Variants in GPATCH8 observed in about 807,000 individuals in gnomAD.
The protein encoded by GPATCH8 is G patch domain-containing protein 8.
A neutral mutation model predicts 118.3 loss-of-function variants in GPATCH8; 18 were observed. That is an observed-to-expected ratio of 0.15 (90% CI 0.11 to 0.23). GPATCH8 has a LOEUF of 0.23. Among genes scored for constraint, GPATCH8 ranks in the 10% least tolerant of loss-of-function variants. The pLI is 1.00. For synonymous variants in GPATCH8, 659 were observed against 684.7 expected, an observed-to-expected ratio of 0.96 and a Z score of 0.59; for missense variants, 1,631 against 1,873.8, an observed-to-expected ratio of 0.87 and a Z score of 2.39.
At chr17:44,493,661 G>A (rs189038483) in intron 1 of GPATCH8, among the ~76,000 whole-genome samples, 76 of 152,312 alleles carry the variant, frequency 5.0e-4, no homozygotes, top group African/African-American at 1.8e-3. Flanking sequence ...GCAGAGGTGG[G>A]AGGATGGTGT....
intron 2 of GPATCH8, chr17:44,465,935 C>T (rs1333423353): frequency 6.6e-6 from 1 of 152,148 alleles, no homozygotes; most frequent in African/African-American, 2.4e-5. Flanking sequence ...TGTTTAAGGA[C>T]CATTTTCTTC....
In GPATCH8 at chr17:44,400,716, G is replaced by A. The variant is rs750770905; in HGVS notation, c.1361C>T (p.Ala454Val). The part of the protein sequence containing the change: ...SCIKAAASQG[A>V]EKTVSEVSEQ... ...AGAGACTTCACTAACTGTCTTTTCT[G>A]CTCCTTGGCTTGCTGCCGCCTTGAT... Residue 454 changes from alanine to valine, a missense_variant, in exon 8 of 8, where the codon GCA becomes GTA. By Grantham distance (64) the Ala-to-Val change is moderately conservative. This residue lies in a region of GPATCH8 where 405 missense variants were observed against 462.7 expected (regional missense o/e 0.88). Coordinates refer to ENST00000591680, the MANE Select transcript of GPATCH8 (RefSeq NM_001002909.4). 3 of 1,612,132 alleles carry A rather than the reference G, an allele frequency of 1.9e-6. No individual in the cohort carries two copies. Among genetic ancestry groups the A allele is most frequent in the Non-Finnish European group, 2.5e-6 (3 of 1,178,894 alleles).
At position 44,397,801 on chromosome 17, in the gene GPATCH8, T is replaced by C. The variant is rs1292918118; in HGVS notation, c.4276A>G (p.Ile1426Val). ...AGAAAGGTGGCAGGGTGGCCAGGGA[T>C]GATTGAGTGAGTGAGGTGGGACAAA... The part of the protein sequence containing the change: ...ISLSHLTHSI[I>V]PGHPATFLAS... The change falls in exon 8 of 8, where the codon ATC (isoleucine) becomes GTC (valine). Residue 1426 changes from isoleucine (I) to valine (V), a missense_variant. By Grantham distance (29) the Ile-to-Val change is conservative. This residue lies in a region of GPATCH8 where 65 missense variants were observed against 105.3 expected (regional missense o/e 0.62). Coordinates refer to ENST00000591680, the MANE Select transcript of GPATCH8 (RefSeq NM_001002909.4). 6.3e-7 allele frequency: 1 copy of C among 1,583,744 alleles called. No homozygotes were observed. Among genetic ancestry groups the C allele is most frequent in the Admixed American group, 1.7e-5 (1 of 58,702 alleles).
rs1194565044 is a variant in GPATCH8 at position 44,406,055 on chromosome 17, G to A, written c.493-4C>T. 1 of 1,599,328 alleles carries A rather than the reference G, an allele frequency of 6.3e-7. No individual in the cohort carries two copies. The highest frequency in any genetic ancestry group is 8.6e-7 in the Non-Finnish European group (1 of 1,166,976). On this transcript the variant is annotated splice_polypyrimidine_tract_variant and splice_region_variant and intron_variant, in intron 6 of 7. Transcript: ENST00000591680. ...TCTGCTTCAGATCTTTTAATCTCTG[G>A]GTTAAAAGAAAGAAAGATACAGAGG...
intron 3 of GPATCH8, among the ~76,000 whole-genome samples, chr17:44,453,554 C>T (rs1598533346): frequency 8.7e-6 from 1 of 115,020 alleles, no homozygotes; most frequent in Admixed American, 9.0e-5. Context: ...TTGAGACATG[C>T]TCTCACTGTC....
intron 7 of GPATCH8, among the ~76,000 whole-genome samples, chr17:44,401,809 GC>G (rs2049032071): frequency 6.6e-6 from 1 of 151,820 alleles, no homozygotes; most frequent in Non-Finnish European, 1.5e-5. Context: ...TTCGTAAACA[GC>G]CTGGCCAACA....
Position 44,400,302 on chromosome 17 carries a change from G to A in GPATCH8, c.1775C>T (p.Pro592Leu). The A allele has an allele frequency of 6.2e-7, 1 of 1,613,914 alleles. No individual in the cohort carries two copies. Among genetic ancestry groups the A allele is most frequent in the Non-Finnish European group, 8.5e-7 (1 of 1,179,880 alleles). The change falls in exon 8 of 8, where the codon CCA (proline) becomes CTA (leucine). Residue 592 changes from proline to leucine, a missense_variant. Transcript: ENST00000591680. ...CTTTGAGGAGCTTCCTATATCCTTT[G>A]GTTTTTCTGTTCCTTTAGTTCTGGC... ...KDARTKGTEK[P>L]KDIGSSSKDH...
chr17:44,492,313 A>AAAAAAG (rs1568069833), intron 1 of GPATCH8, among the ~76,000 whole-genome samples: 1 of 138,596 alleles, frequency 7.2e-6, no homozygotes, highest in Non-Finnish European at 1.6e-5. Context: ...AAAAAAAAAA[A>AAAAAAG]GCGCCCGTAA....
At chr17:44,413,299 C>A (rs962395392) in intron 6 of GPATCH8, among the ~76,000 whole-genome samples, 1 of 152,198 alleles carries the variant, frequency 6.6e-6, no homozygotes, top group Non-Finnish European at 1.5e-5. Context: ...GAGACAGAGT[C>A]TCCCTCTATC....
intron 1 of GPATCH8, among the ~76,000 whole-genome samples, chr17:44,481,431 G>C (rs1037840305): frequency 6.6e-6 from 1 of 152,130 alleles, no homozygotes; most frequent in African/African-American, 2.4e-5. Context: ...TAACAGAGAT[G>C]AATCTCAAAT....
At chr17:44,459,789 T>G (rs868817545) in intron 3 of GPATCH8, among the ~76,000 whole-genome samples, 2 of 152,182 alleles carry the variant, frequency 1.3e-5, no homozygotes, top group African/African-American at 4.8e-5. Context: ...AGGAACCATG[T>G]CTTATCTACT....
chr17:44,398,424 T>G lies in GPATCH8; in HGVS notation c.3653A>C (p.Asp1218Ala), dbSNP rs1358341992. The stretch of plus-strand genomic sequence containing the variant: ...GGTGCCTAGTGGAGCCACAGGGTGA[T>G]CAGCAGTAGCTTCTCCAGACTTTGA... ...EESKSGEATADHPVAPLGTPA... is the reference protein window; with the variant it reads ...EESKSGEATAAHPVAPLGTPA... The change falls in exon 8 of 8, where the codon GAT becomes GCT. Residue 1218 changes from aspartate (D) to alanine (A), a missense_variant. Physicochemically the swap from Asp to Ala is moderately radical, Grantham distance 126. Transcript: ENST00000591680. The G allele has an allele frequency of 6.2e-7, 1 of 1,613,828 alleles. No homozygotes were observed. Among genetic ancestry groups the G allele is most frequent in the Non-Finnish European group, 8.5e-7 (1 of 1,179,866 alleles).
intron 5 of GPATCH8, among the ~76,000 whole-genome samples, chr17:44,424,798 A>G (rs2050032710): frequency 1.3e-5 from 2 of 152,236 alleles, no homozygotes; most frequent in Non-Finnish European, 2.9e-5. Context: ...GGTCTCAAGC[A>G]TTTTGGATAA....
intron 3 of GPATCH8, among the ~76,000 whole-genome samples, chr17:44,452,881 G>A (rs1215717905): frequency 6.6e-6 from 1 of 151,238 alleles, no homozygotes; most frequent in African/African-American, 2.4e-5. Context: ...CTGGAGTGCA[G>A]TGGCATGATC....
intron 3 of GPATCH8, among the ~76,000 whole-genome samples, chr17:44,460,236 A>G (rs1034656191): frequency 6.6e-6 from 1 of 151,814 alleles, no homozygotes; most frequent in Non-Finnish European, 1.5e-5. Context: ...ATTGTTCATA[A>G]TATTTCTCAT....
chr17:44,436,669 C>G lies in GPATCH8; in HGVS notation c.194-124G>C. ...GCAGAGACCAGAAAGCTACAGTGAA[C>G]CAAACACAAGCCATTCTCACAGCTT... On this transcript the variant is annotated intron_variant, in intron 3 of 7. Coordinates refer to ENST00000591680, the MANE Select transcript of GPATCH8 (RefSeq NM_001002909.4). 6.9e-6 allele frequency: 5 copies of G among 729,618 alleles called. No homozygotes were observed. In the East Asian group the frequency reaches 1.3e-4, roughly 19 times the overall value. 45.2% of individuals were successfully genotyped at this position (729,618 alleles called of 1,614,324 possible).
At chr17:44,493,352 C>T (rs762006463) in intron 1 of GPATCH8, among the ~76,000 whole-genome samples, 3 of 152,090 alleles carry the variant, frequency 2.0e-5, no homozygotes, top group Non-Finnish European at 4.4e-5. Context: ...CGAGCCCCCA[C>T]GCCTGACAAC....
chr17:44,428,496 TAAAA>T (rs914327964), intron 5 of GPATCH8, among the ~76,000 whole-genome samples: 2 of 131,556 alleles, frequency 1.5e-5, no homozygotes, highest in Non-Finnish European at 3.3e-5. Flanking sequence ...CCATCTCAAT[TAAAA>T]AAAAAAAAAG....
intron 3 of GPATCH8, among the ~76,000 whole-genome samples, chr17:44,453,530 T>TGTGTGTGTGTGTGCGCGC (rs1052518435): frequency 6.0e-5 from 9 of 150,562 alleles, no homozygotes; most frequent in African/African-American, 2.2e-4. Context: ...TGTGTGTGTG[T>TGTGTGTGTGTGTGCGCGC]GCAGGCGCGC....
Sources: allele counts gnomAD v4.1 joint callset (sites outside exome capture counted in the v4.1 genomes callset), GRCh38; gene constraint gnomAD v4.1.1; regional missense constraint gnomAD v4.1.1; transcripts MANE v1.5; gene names NCBI Gene and HGNC (gene_info 2026-07-23, HGNC 2026-07-21).